The following CTNNA3 variants were observed in gnomAD, a reference collection of about 807,000 sequenced individuals.
CTNNA3 encodes catenin alpha 3, also known as catenin alpha-3.
A neutral mutation model predicts 95.7 loss-of-function variants in CTNNA3; 76 were observed. The ratio of observed to expected loss-of-function variants is 0.79; its 90% CI spans 0.66 to 0.96. CTNNA3 has a LOEUF of 0.96. Ranked by LOEUF, CTNNA3 falls within the 40% of genes least tolerant of loss-of-function variation. The pLI, the probability that CTNNA3 is intolerant of heterozygous loss-of-function variation, is 0.00. For synonymous variants in CTNNA3, 431 were observed against 374.4 expected, an observed-to-expected ratio of 1.15 and a Z score of -1.74; for missense variants, 1,191 against 1,089.8, an observed-to-expected ratio of 1.09 and a Z score of -1.31.
intron 5 of CTNNA3, among the ~76,000 whole-genome samples, chr10:67,328,047 T>C (rs73266261): frequency 0.06 from 9,172 of 151,950 alleles, 888 homozygotes; most frequent in African/African-American, 0.21. Context: ...CAAGACTCTG[T>C]CTGCAACAGA....
At chr10:67,755,666 G>A (rs745677482) in intron 1 of CTNNA3, among the ~76,000 whole-genome samples, 14 of 151,738 alleles carry the variant, frequency 9.2e-5, no homozygotes, top group Non-Finnish European at 2.1e-4. Context: ...GCCAGGTGTG[G>A]TGGCACACGC....
intron 5 of CTNNA3, among the ~76,000 whole-genome samples, chr10:67,453,502 A>T (rs1168089854): frequency 6.6e-6 from 1 of 152,234 alleles, no homozygotes; most frequent in East Asian, 1.9e-4. Flanking sequence ...GCAAACTTAT[A>T]GTAAAACATT....
intron 7 of CTNNA3, among the ~76,000 whole-genome samples, chr10:66,859,374 T>G (rs1405605064): frequency 1.3e-5 from 2 of 151,458 alleles, no homozygotes; most frequent in African/African-American, 4.9e-5. Flanking sequence ...CAGACACTTC[T>G]CAAAAGAAGA....
intron 4 of CTNNA3, among the ~76,000 whole-genome samples, chr10:67,538,357 C>G (rs554332370): frequency 6.6e-6 from 1 of 151,622 alleles, no homozygotes. Flanking sequence ...GGGAGGATCA[C>G]GAGGTCAGGA....
At chr10:67,741,763 T>C (rs1841340862) in intron 1 of CTNNA3, among the ~76,000 whole-genome samples, 1 of 151,030 alleles carries the variant, frequency 6.6e-6, no homozygotes, top group Non-Finnish European at 1.5e-5. Flanking sequence ...AGGAAACCCA[T>C]TTCACGTGCA....
intron 7 of CTNNA3, among the ~76,000 whole-genome samples, chr10:66,960,073 A>AT (rs942779611): frequency 2.6e-5 from 4 of 151,540 alleles, no homozygotes; most frequent in Non-Finnish European, 2.9e-5. Context: ...GCTATTTGAA[A>AT]TTTTTTTTTC....
rs542711940 is a variant in CTNNA3 at position 67,227,932 on chromosome 10, G to A, written c.580-8062C>T. ...TGCAAACACATGGAAATTAAATAAC[G>A]TGCTCCTGAATTAGCATTGGGTCAA... On this transcript the variant is annotated intron_variant, in intron 5 of 17. Transcript: ENST00000433211. Among the ~76,000 whole-genome samples, 8 of 152,202 alleles carry A rather than the reference G, an allele frequency of 5.3e-5. No homozygotes were observed. The South Asian group carries it at 1.2e-3, about 24-fold the overall frequency.
chr10:67,701,791 T>G (rs1423025265), intron 1 of CTNNA3, among the ~76,000 whole-genome samples: 1 of 151,430 alleles, frequency 6.6e-6, no homozygotes, highest in South Asian at 2.1e-4. Flanking sequence ...ACTTTAAATG[T>G]AAATGGACTA....
At chr10:67,527,425 G>A (rs987968026) in intron 4 of CTNNA3, among the ~76,000 whole-genome samples, 8 of 152,120 alleles carry the variant, frequency 5.3e-5, no homozygotes, top group Admixed American at 1.3e-4. Context: ...AATTAATCTT[G>A]TTTGTGTCCT....
intron 7 of CTNNA3, among the ~76,000 whole-genome samples, chr10:66,830,785 A>G (rs1169707759): frequency 6.6e-6 from 1 of 151,452 alleles, no homozygotes; most frequent in Non-Finnish European, 1.5e-5. Flanking sequence ...AATTTTTTGT[A>G]TTTTTAGTAG....
At chr10:67,438,172 C>T (rs1464184792) in intron 5 of CTNNA3, among the ~76,000 whole-genome samples, 1 of 152,144 alleles carries the variant, frequency 6.6e-6, no homozygotes, top group African/African-American at 2.4e-5. Context: ...ATAAGCAGTA[C>T]TTGGCAGTTT....
chr10:66,695,177 G>C (rs1847710524), intron 9 of CTNNA3, among the ~76,000 whole-genome samples: 1 of 152,114 alleles, frequency 6.6e-6, no homozygotes, highest in Non-Finnish European at 1.5e-5. Context: ...ACATTAAATA[G>C]ATTGCTATGT....
At chr10:66,360,232 C>A (rs1034116565) in intron 12 of CTNNA3, among the ~76,000 whole-genome samples, 1 of 151,908 alleles carries the variant, frequency 6.6e-6, no homozygotes, top group African/African-American at 2.4e-5. Context: ...TTTCTCATCC[C>A]TCTATCATGT....
intron 1 of CTNNA3, among the ~76,000 whole-genome samples, chr10:67,726,348 T>G (rs1198093251): frequency 1.7e-3 from 109 of 63,914 alleles, no homozygotes; most frequent in African/African-American, 7.9e-3. Flanking sequence ...ATATAATATA[T>G]GATATATATG....
At chr10:66,615,852 C>A (rs1844492346) in intron 10 of CTNNA3, among the ~76,000 whole-genome samples, 1 of 151,976 alleles carries the variant, frequency 6.6e-6, no homozygotes, top group South Asian at 2.1e-4. Context: ...TATGCTCGTG[C>A]AATAGGTTGT....
intron 10 of CTNNA3, among the ~76,000 whole-genome samples, chr10:66,537,471 T>C (rs1409514959): frequency 2.6e-5 from 4 of 152,034 alleles, no homozygotes; most frequent in Non-Finnish European, 2.9e-5. Flanking sequence ...TCGATGTTTA[T>C]GTGAGATAAA....
chr10:66,566,946 C>T (rs1842724606), intron 10 of CTNNA3, among the ~76,000 whole-genome samples: 1 of 106,722 alleles, frequency 9.4e-6, no homozygotes, highest in Non-Finnish European at 2.0e-5. Context: ...AGGGAGTGGG[C>T]TAGGGTGAGG....
intron 13 of CTNNA3, among the ~76,000 whole-genome samples, chr10:66,234,091 G>T (rs2089733972): frequency 6.6e-6 from 1 of 152,184 alleles, no homozygotes; most frequent in Non-Finnish European, 1.5e-5. Flanking sequence ...TTTTTAAAAG[G>T]TTAATGACTG....
At chr10:66,493,994 G>T (rs551837707) in intron 11 of CTNNA3, among the ~76,000 whole-genome samples, 1 of 135,866 alleles carries the variant, frequency 7.4e-6, no homozygotes, top group African/African-American at 2.8e-5. Flanking sequence ...TGCAACCTCC[G>T]CCTCCCGGGT....
Sources: gnomAD v4.1 joint callset for allele counts (sites outside exome capture counted in the v4.1 genomes callset) on GRCh38, gnomAD v4.1.1 for gene constraint, MANE v1.5 for transcripts, NCBI Gene and HGNC (gene_info 2026-07-23, HGNC 2026-07-21) for gene names.